Variants in GALNT13 observed in about 807,000 individuals in gnomAD.
GALNT13 encodes polypeptide N-acetylgalactosaminyltransferase 13, also known as UDP-GalNAc:polypeptide N-acetylgalactosaminyltransferase 13.
A neutral mutation model predicts 64.2 loss-of-function variants in GALNT13; 28 were observed. The ratio of observed to expected loss-of-function variants is 0.44; its 90% CI spans 0.32 to 0.60. The LOEUF is 0.60. GALNT13 is among the 20% of genes least tolerant of loss of function. The pLI is 0.05. For synonymous variants in GALNT13, 214 were observed against 224.6 expected, an observed-to-expected ratio of 0.95 and a Z score of 0.42; for missense variants, 577 against 669.8, an observed-to-expected ratio of 0.86 and a Z score of 1.53.
chr2:154,175,777 A>G (rs1399125099), intron 4 of GALNT13, among the ~76,000 whole-genome samples: 3 of 152,208 alleles, frequency 2.0e-5, no homozygotes, highest in Non-Finnish European at 4.4e-5. Context: ...AATAACTATC[A>G]TAATTTCAAA....
chr2:154,306,974 T>G (rs1574060799), intron 9 of GALNT13, among the ~76,000 whole-genome samples: 1 of 151,374 alleles, frequency 6.6e-6, no homozygotes, highest in East Asian at 1.9e-4. Flanking sequence ...AGGTGGTTTG[T>G]TTCAGAAAGG....
chr2:153,249,377 G>A, the GALNT13 span, among the ~76,000 whole-genome samples: 2 of 152,182 alleles, frequency 1.3e-5, no homozygotes, highest in South Asian at 2.1e-4. Flanking sequence ...AAATGAGAGA[G>A]GACACAAATC....
the GALNT13 span, among the ~76,000 whole-genome samples, chr2:153,497,666 T>C: frequency 2.7e-5 from 4 of 150,786 alleles, no homozygotes; most frequent in Admixed American, 6.6e-5. Flanking sequence ...GCCTCCTGAA[T>C]AGCTGGGATT....
the GALNT13 span, among the ~76,000 whole-genome samples, chr2:153,112,994 T>G: frequency 6.6e-6 from 1 of 152,102 alleles, no homozygotes; most frequent in Non-Finnish European, 1.5e-5. Flanking sequence ...AAAGTTTAGG[T>G]TCTTCCAGAT....
chr2:153,528,729 G>C, the GALNT13 span, among the ~76,000 whole-genome samples: 3 of 151,910 alleles, frequency 2.0e-5, no homozygotes, highest in Non-Finnish European at 4.4e-5. Context: ...CATGTTCTCT[G>C]ACCAGCACAG....
chr2:153,555,957 G>A, the GALNT13 span, among the ~76,000 whole-genome samples: 2 of 152,174 alleles, frequency 1.3e-5, no homozygotes, highest in Non-Finnish European at 2.9e-5. Flanking sequence ...GAAAAAATGT[G>A]TTATGAAAGG....
At chr2:153,332,417 T>C in the GALNT13 span, among the ~76,000 whole-genome samples, 1 of 152,192 alleles carries the variant, frequency 6.6e-6, no homozygotes, top group Non-Finnish European at 1.5e-5. Flanking sequence ...TTCTAGCTAA[T>C]TTTTTTCCTC....
At chr2:154,135,378 G>A (rs1682890816) in intron 3 of GALNT13, among the ~76,000 whole-genome samples, 1 of 152,130 alleles carries the variant, frequency 6.6e-6, no homozygotes, top group Non-Finnish European at 1.5e-5. Context: ...TTTCTGAGAA[G>A]TAGTAGCTAA....
chr2:153,423,911 TA>T, the GALNT13 span, among the ~76,000 whole-genome samples: 1 of 151,566 alleles, frequency 6.6e-6, no homozygotes, highest in Non-Finnish European at 1.5e-5. Context: ...AAACTCATCT[TA>T]AAACTTATGT....
chr2:153,583,611 G>T, the GALNT13 span, among the ~76,000 whole-genome samples: 22 of 152,232 alleles, frequency 1.4e-4, no homozygotes, highest in African/African-American at 5.1e-4. Flanking sequence ...CTGGGCCACG[G>T]GATAGCATAT....
chr2:153,734,971 G>A, the GALNT13 span, among the ~76,000 whole-genome samples: 1 of 152,096 alleles, frequency 6.6e-6, no homozygotes, highest in Non-Finnish European at 1.5e-5. Flanking sequence ...ACCTGACAAC[G>A]TAGCCTTGAA....
At chr2:153,091,113 C>G in the GALNT13 span, among the ~76,000 whole-genome samples, 31 of 152,044 alleles carry the variant, frequency 2.0e-4, no homozygotes, top group Admixed American at 2.0e-3. Context: ...TCCCACTCAT[C>G]CTCTGGATTC....
the GALNT13 span, among the ~76,000 whole-genome samples, chr2:153,750,660 G>A: frequency 6.6e-6 from 1 of 151,730 alleles, no homozygotes; most frequent in African/African-American, 2.4e-5. Flanking sequence ...TGGGATAGCA[G>A]TTGTAACGTC....
chr2:153,492,488 T>C, the GALNT13 span, among the ~76,000 whole-genome samples: 1 of 152,166 alleles, frequency 6.6e-6, no homozygotes, highest in South Asian at 2.1e-4. Flanking sequence ...GCAAGCGGTC[T>C]ACATAAAAGA....
At chr2:153,708,459 G>C in the GALNT13 span, among the ~76,000 whole-genome samples, 2 of 152,060 alleles carry the variant, frequency 1.3e-5, no homozygotes, top group African/African-American at 4.8e-5. Flanking sequence ...TATCAGGTTA[G>C]CTTTATTTTA....
the GALNT13 span, among the ~76,000 whole-genome samples, chr2:153,140,137 A>G: frequency 2.0e-5 from 3 of 152,106 alleles, no homozygotes; most frequent in Non-Finnish European, 4.4e-5. Flanking sequence ...AGTAAACAAT[A>G]CAACCAAAAA....
At chr2:153,525,189 A>G in the GALNT13 span, among the ~76,000 whole-genome samples, 23 of 152,152 alleles carry the variant, frequency 1.5e-4, no homozygotes, top group Non-Finnish European at 7.3e-5. Context: ...AACCAGTTCT[A>G]ACAGCATTAA....
intron 9 of GALNT13, among the ~76,000 whole-genome samples, chr2:154,351,682 C>CAAAAAAAAAAAAAAAAAAA (rs567606376): frequency 4.5e-5 from 2 of 44,686 alleles, no homozygotes; most frequent in Admixed American, 3.9e-4. Flanking sequence ...GACTCCGTCT[C>CAAAAAAAAAAAAAAAAAAA]AAAAAAAAAA....
chr2:153,813,659 A>G, the GALNT13 span, among the ~76,000 whole-genome samples: 4 of 152,172 alleles, frequency 2.6e-5, no homozygotes, highest in Admixed American at 6.5e-5. Flanking sequence ...CTTCCCGCAA[A>G]TGATTATAGA....
Sources: gnomAD v4.1 joint callset for allele counts (sites outside exome capture counted in the v4.1 genomes callset) on GRCh38, gnomAD v4.1.1 for gene constraint, MANE v1.5 for transcripts, NCBI Gene and HGNC (gene_info 2026-07-23, HGNC 2026-07-21) for gene names.